Variants in PTGIS observed in about 807,000 individuals in gnomAD.
PTGIS encodes the protein prostaglandin I2 synthase, also known as prostacyclin synthase.
Under a neutral mutation model 50.3 loss-of-function variants are expected in PTGIS, and 45 were observed. The observed-to-expected ratio is 0.90, with a 90% CI of 0.70 to 1.15. The LOEUF (loss-of-function observed/expected upper bound fraction) is 1.15, where lower values mean the gene tolerates loss of function less well. Among genes scored for constraint, PTGIS ranks in the 50% most tolerant of loss-of-function variants. The pLI, the probability that PTGIS is intolerant of heterozygous loss-of-function variation, is 0.00. For synonymous variants in PTGIS, 260 were observed against 267.7 expected (o/e 0.97, Z 0.28); for missense variants, 668 against 661.3 (o/e 1.01, Z -0.11).
intron 5 of PTGIS, among the ~76,000 whole-genome samples, chr20:49,530,774 T>C (rs552448492): frequency 6.6e-6 from 1 of 152,304 alleles, no homozygotes; most frequent in Admixed American, 6.5e-5. Flanking sequence ...ATTTTTGTGT[T>C]TTTTGAGGCA....
intron 6 of PTGIS, among the ~76,000 whole-genome samples, chr20:49,521,313 C>T (rs1335912843): frequency 6.6e-6 from 1 of 152,176 alleles, no homozygotes; most frequent in African/African-American, 2.4e-5. Context: ...GTCACAGAGC[C>T]TGTGCCAGAA....
chr20:49,533,069 C>T (rs1235747067), intron 5 of PTGIS, among the ~76,000 whole-genome samples: 1 of 152,154 alleles, frequency 6.6e-6, no homozygotes, highest in Non-Finnish European at 1.5e-5. Flanking sequence ...AGTCCCCATG[C>T]TATGTAGCCT....
At position 49,513,080 on chromosome 20, in the gene PTGIS, C is replaced by T. The variant is rs200183347; in HGVS notation, c.1206G>A (p.Glu402=). The T allele has an allele frequency of 1.9e-4, 302 of 1,614,162 alleles. No individual in the cohort carries two copies. Among genetic ancestry groups the T allele is most frequent in the Non-Finnish European group, 2.4e-4 (279 of 1,180,030 alleles). Residue 402 remains glutamate (E), a splice_region_variant and synonymous_variant, in exon 8 of 10, where the codon GAG becomes GAA. Transcript: ENST00000244043. ...ATGACCAGGCGCCCCTGCCATTTAC[C>T]TCTGGGTCTGTGTAGATTTCTGGGT... ...QRDPEIYTDP[E]VFKYNRFLNP...
At chr20:49,560,750 T>C (rs181154639) in intron 1 of PTGIS, among the ~76,000 whole-genome samples, 1 of 150,964 alleles carries the variant, frequency 6.6e-6, no homozygotes, top group East Asian at 2.0e-4. Context: ...CTCGGTGAGG[T>C]TTTCGAGACA....
intron 1 of PTGIS, among the ~76,000 whole-genome samples, chr20:49,562,920 A>C (rs1982812282): frequency 6.6e-6 from 1 of 152,202 alleles, no homozygotes; most frequent in Non-Finnish European, 1.5e-5. Context: ...TGTTCACTCC[A>C]GCACTCAGAA....
chr20:49,540,512 C>T lies in PTGIS; in HGVS notation c.522-791G>A, dbSNP rs1366280735. ...GCCTGGGCTGTCAGGGCTGGCCACG[C>T]AAGGCAGGCATTTGCAGCAGTGAGA... On this transcript the variant is annotated intron_variant, in intron 4 of 9. Transcript: ENST00000244043. The surrounding 1 kb of genome is among the most constrained non-coding windows in gnomAD (Gnocchi z 4.8). Among the ~76,000 whole-genome samples the T allele has an allele frequency of 2.0e-5, 3 of 152,042 alleles. No homozygotes were observed. Among genetic ancestry groups the T allele is most frequent in the Non-Finnish European group, 4.4e-5 (3 of 67,990 alleles).
intron 1 of PTGIS, 53 bp from the exon 2 acceptor site, chr20:49,550,242 A>G: frequency 6.2e-7 from 1 of 1,600,192 alleles, no homozygotes; most frequent in Non-Finnish European, 8.5e-7. Flanking sequence ...AAGGGCATAA[A>G]GAGTGTAGGT....
chr20:49,508,394 G>A (rs1022983421), intron 9 of PTGIS, among the ~76,000 whole-genome samples: 16 of 152,200 alleles, frequency 1.1e-4, no homozygotes, highest in Non-Finnish European at 1.9e-4. Flanking sequence ...ACATTGAGAC[G>A]GTGGAGCCGA....
chr20:49,514,453 C>T, intron 6 of PTGIS, 58 bp from the exon 7 acceptor site: 3 of 1,587,444 alleles, frequency 1.9e-6, no homozygotes, highest in Non-Finnish European at 2.6e-6. Context: ...CTCGTCTCTG[C>T]CAGGGACACA....
At position 49,544,436 on chromosome 20, in the gene PTGIS, G is replaced by C; in HGVS notation, c.390C>G (p.His130Gln). The change falls in exon 4 of 10, where the codon CAC (histidine) becomes CAG (glutamine). Residue 130 changes from histidine (H) to glutamine (Q), a missense_variant. His to Gln is a conservative substitution (Grantham distance 24, BLOSUM62 0). Transcript: ENST00000244043. ...EKARMKLTLLHRELQALTEAM... is the reference protein window; with the variant it reads ...EKARMKLTLLQRELQALTEAM... The stretch of plus-strand genomic sequence containing the variant: ...CTTCTGTGAGTGCCTGGAGCTCTCT[G>C]TGGAGAAGAGTCCTGAGGCAGGAAA... The C allele has an allele frequency of 6.2e-7, 1 of 1,614,164 alleles. No homozygotes were observed. The highest frequency in any genetic ancestry group is 8.5e-7 in the Non-Finnish European group (1 of 1,180,014).
chr20:49,562,322 G>A (rs902223801), intron 1 of PTGIS, among the ~76,000 whole-genome samples: 14 of 152,292 alleles, frequency 9.2e-5, no homozygotes, highest in African/African-American at 3.1e-4. Context: ...GGCTGTGGCC[G>A]GAGCTCCCCA....
chr20:49,554,673 T>C (rs1036994205), intron 1 of PTGIS, among the ~76,000 whole-genome samples: 2 of 152,188 alleles, frequency 1.3e-5, no homozygotes, highest in African/African-American at 4.8e-5. Context: ...TAAGGGCTGA[T>C]TCTGAGAGAT....
At chr20:49,523,561 G>A (rs569404889) in intron 6 of PTGIS, among the ~76,000 whole-genome samples, 4 of 152,172 alleles carry the variant, frequency 2.6e-5, no homozygotes, top group South Asian at 4.1e-4. Flanking sequence ...TCCAGAGGCC[G>A]AGGCAGGCAG....
intron 5 of PTGIS, among the ~76,000 whole-genome samples, chr20:49,532,528 G>A (rs1303492654): frequency 6.6e-6 from 1 of 152,150 alleles, no homozygotes. Context: ...ACCCACCACA[G>A]AGGGTTATAT....
chr20:49,558,082 C>A (rs1267912653), intron 1 of PTGIS, among the ~76,000 whole-genome samples: 1 of 152,048 alleles, frequency 6.6e-6, no homozygotes, highest in Non-Finnish European at 1.5e-5. Flanking sequence ...ATAATAAAAA[C>A]AAAAATTTTA....
In PTGIS at chr20:49,552,278, C is replaced by T. The variant is rs141592178; in HGVS notation, c.75-2089G>A. Among the ~76,000 whole-genome samples the T allele has an allele frequency of 7.1e-4, 108 of 152,240 alleles. 1 individual carries two copies. The highest frequency in any genetic ancestry group is 2.3e-3 in the African/African-American group (96 of 41,544). ...AACAAAGTGCACTGTAAAAGCATTA[C>T]ATGGCTTAGTCTCATGATATCTCTC... On this transcript the variant is annotated intron_variant, in intron 1 of 9. Coordinates refer to ENST00000244043, the MANE Select transcript of PTGIS (RefSeq NM_000961.4).
intron 1 of PTGIS, among the ~76,000 whole-genome samples, chr20:49,557,906 T>A (rs1442719203): frequency 1.3e-5 from 2 of 152,130 alleles, no homozygotes; most frequent in East Asian, 3.9e-4. Context: ...CAGCCCACCT[T>A]TCCCCCGCTT....
At chr20:49,539,457 G>T in intron 5 of PTGIS, 113 bp downstream of exon 5, 1 of 1,248,712 alleles carries the variant, frequency 8.0e-7, no homozygotes, top group Non-Finnish European at 1.1e-6. Flanking sequence ...TGCCTCCCTG[G>T]GCATTGGATG....
At position 49,544,346 on chromosome 20, in the gene PTGIS, G is replaced by A. The variant is rs1459903498; in HGVS notation, c.480C>T (p.His160=). ...GDATEAGSGW[H]EMGLLDFSYS... ...AGGAGAAGTCGAGGAGACCCATCTC[G>A]TGCCAGCCACTGCCTGCTTCTGTAG... Residue 160 remains histidine, a synonymous_variant, in exon 4 of 10, where the codon CAC becomes CAT. Coordinates refer to ENST00000244043, the MANE Select transcript of PTGIS (RefSeq NM_000961.4). 20 of 1,614,036 alleles carry A rather than the reference G, an allele frequency of 1.2e-5. No homozygotes were observed. The East Asian group carries it at 2.7e-4, about 22-fold the overall frequency.
Sources: allele counts gnomAD v4.1 joint callset (sites outside exome capture counted in the v4.1 genomes callset), GRCh38; gene constraint gnomAD v4.1.1; non-coding constraint Gnocchi (gnomAD v3.1); transcripts MANE v1.5; gene names NCBI Gene and HGNC (gene_info 2026-07-23, HGNC 2026-07-21).